Variants in VAMP4 observed in about 807,000 individuals in gnomAD.
VAMP4 encodes the protein vesicle-associated membrane protein 4.
In VAMP4, 19 loss-of-function variants were observed where a neutral mutation model predicts 23.5. The observed-to-expected ratio is 0.81, with a 90% CI of 0.56 to 1.19. The LOEUF (loss-of-function observed/expected upper bound fraction) is 1.19, where lower values mean the gene tolerates loss of function less well. Among genes scored for constraint, VAMP4 ranks in the 50% most tolerant of loss-of-function variants. The probability of loss-of-function intolerance (pLI) is 0.00; values close to 1 mark genes in which losing one functional copy is unlikely to be tolerated. For synonymous variants in VAMP4, 31 were observed against 51.0 expected (o/e 0.61, Z 1.67); for missense variants, 145 against 168.6 (o/e 0.86, Z 0.78).
At chr1:171,735,003 T>C (rs1655692294) in intron 2 of VAMP4, among the ~76,000 whole-genome samples, 2 of 152,244 alleles carry the variant, frequency 1.3e-5, no homozygotes, top group Non-Finnish European at 2.9e-5. Context: ...TTTAATCTGA[T>C]TTCCACACAT....
At chr1:171,739,989 A>T (rs771690821) in intron 1 of VAMP4, among the ~76,000 whole-genome samples, 4 of 152,276 alleles carry the variant, frequency 2.6e-5, no homozygotes, top group Non-Finnish European at 4.4e-5. Context: ...ATACCCATCA[A>T]TTCAGGATAG....
rs1654394009 is a variant in VAMP4 at position 171,700,552 on chromosome 1, G to A, written c.*3954C>T. On this transcript the variant is annotated 3_prime_UTR_variant, in exon 8 of 8. Coordinates refer to ENST00000236192, the MANE Select transcript of VAMP4 (RefSeq NM_003762.5). ...ATTTTAAGACTACTTTAAATGAAAAGAACCTAATGGAATACCATAAAGCCA... is the reference window on the plus strand; with the variant it reads ...ATTTTAAGACTACTTTAAATGAAAAAAACCTAATGGAATACCATAAAGCCA... 1 of 152,150 alleles carries A rather than the reference G, an allele frequency of 6.6e-6. No homozygotes were observed. Among genetic ancestry groups the A allele is most frequent in the Non-Finnish European group, 1.5e-5 (1 of 68,026 alleles). 9.4% of individuals were successfully genotyped at this position (152,150 alleles called of 1,614,324 possible). A position where few individuals can be genotyped will look rare whatever the true frequency, so the allele number is the denominator to read the frequency against.
Position 171,703,425 on chromosome 1 carries a change from G to GTATATATA in VAMP4, c.*1073_*1080dup, listed in dbSNP as rs59222991. 467 of 80,496 alleles carry GTATATATA rather than the reference G, an allele frequency of 5.8e-3. 7 individuals are homozygous for GTATATATA. The highest frequency in any genetic ancestry group is 8.3e-3 in the Middle Eastern group (1 of 120). 5.0% of individuals were successfully genotyped at this position (80,496 alleles called of 1,614,324 possible). On this transcript the variant is annotated 3_prime_UTR_variant, in exon 8 of 8. Coordinates refer to ENST00000236192, the MANE Select transcript of VAMP4 (RefSeq NM_003762.5). ...TGTGTGTGTGTGTGTGTGTTTGTGT[G>GTATATATA]TATATATATATATATATATATATAT...
At position 171,701,096 on chromosome 1, in the gene VAMP4, A is replaced by G. The variant is rs1428567610; in HGVS notation, c.*3410T>C. ...AGACAAAAGCATTTAGACAAATTTC[A>G]TTTGTCTACAACATGGAAAAAACAA... On this transcript the variant is annotated 3_prime_UTR_variant, in exon 8 of 8. Transcript: ENST00000236192. 7 of 152,300 alleles carry G rather than the reference A, an allele frequency of 4.6e-5. No individual in the cohort carries two copies. The South Asian group carries it at 1.2e-3, about 27-fold the overall frequency. The allele number at this position is 152,300 out of a possible 1,614,324, so 9.4% of individuals were successfully genotyped here.
intron 7 of VAMP4, 72 bp from the exon 8 acceptor site, chr1:171,704,606 T>C: frequency 1.6e-6 from 2 of 1,222,854 alleles, no homozygotes; most frequent in Admixed American, 2.5e-5. Context: ...GCAATATTCC[T>C]AAATGTAGTT....
At chr1:171,710,201 T>G (rs998499065) in intron 5 of VAMP4, among the ~76,000 whole-genome samples, 1 of 151,374 alleles carries the variant, frequency 6.6e-6, no homozygotes, top group Non-Finnish European at 1.5e-5. Flanking sequence ...TTTTTTTTTT[T>G]CTAAAGTCTG....
intron 4 of VAMP4, among the ~76,000 whole-genome samples, chr1:171,716,345 A>G (rs186886140): frequency 6.6e-6 from 1 of 152,318 alleles, no homozygotes; most frequent in East Asian, 1.9e-4. Context: ...GCTTATATAA[A>G]TGAAACCTTA....
intron 3 of VAMP4, among the ~76,000 whole-genome samples, chr1:171,725,209 T>C (rs533144242): frequency 1.3e-5 from 2 of 152,360 alleles, no homozygotes; most frequent in Non-Finnish European, 2.9e-5. Context: ...CTTCTTTTAC[T>C]TATCATAAAG....
In VAMP4 at chr1:171,702,592, A is replaced by G. The variant is rs1654483870; in HGVS notation, c.*1914T>C. On this transcript the variant is annotated 3_prime_UTR_variant, in exon 8 of 8. Coordinates refer to ENST00000236192, the MANE Select transcript of VAMP4 (RefSeq NM_003762.5). The stretch of plus-strand genomic sequence containing the variant: ...ACTAATGGAAAATTAACCACTTATG[A>G]GCCTAGTTCCAATTCAAATAAAGGA... 1 of 151,976 alleles carries G rather than the reference A, an allele frequency of 6.6e-6. No homozygotes were observed. Among genetic ancestry groups the G allele is most frequent in the South Asian group, 2.1e-4 (1 of 4,832 alleles). The allele number at this position is 151,976 out of a possible 1,614,324, so 9.4% of individuals were successfully genotyped here.
In VAMP4 at chr1:171,700,620, T is replaced by G. The variant is rs940745912; in HGVS notation, c.*3886A>C. 8 of 152,190 alleles carry G rather than the reference T, an allele frequency of 5.3e-5. No homozygotes were observed. Among genetic ancestry groups the G allele is most frequent in the African/African-American group, 1.9e-4 (8 of 41,440 alleles). 9.4% of individuals were successfully genotyped at this position (152,190 alleles called of 1,614,324 possible). ...ATTACAGTAGAAGAGCACCCCTATA[T>G]CCAGGCAAAAGCAAAAGGCCCCACT... On this transcript the variant is annotated 3_prime_UTR_variant, in exon 8 of 8. Coordinates refer to ENST00000236192, the MANE Select transcript of VAMP4 (RefSeq NM_003762.5).
chr1:171,733,587 T>C (rs1655632225), intron 2 of VAMP4, among the ~76,000 whole-genome samples: 1 of 152,170 alleles, frequency 6.6e-6, no homozygotes, highest in African/African-American at 2.4e-5. Flanking sequence ...CATATATTAA[T>C]TGAATAAACA....
At chr1:171,726,793 G>GA (rs535207906) in intron 3 of VAMP4, among the ~76,000 whole-genome samples, 1 of 151,286 alleles carries the variant, frequency 6.6e-6, no homozygotes, top group South Asian at 2.1e-4. Context: ...AAAACAATAG[G>GA]AAAAAAAATT....
chr1:171,738,546 TA>T (rs1655817566), intron 1 of VAMP4, 83 bp from the exon 2 acceptor site: 1 of 823,384 alleles, frequency 1.2e-6, no homozygotes, highest in Admixed American at 2.9e-5. Context: ...TGAAACCCTG[TA>T]TGACAGGGAC....
chr1:171,734,020 C>T lies in VAMP4; in HGVS notation c.66+4329G>A, dbSNP rs928562569. ...ATAAAAAGGAATGAAGATCTCCCAG[C>T]ACTTTGGGAGGCCGAGGTGGGTGAA... On this transcript the variant is annotated intron_variant, in intron 2 of 7. Transcript: ENST00000236192. Among the ~76,000 whole-genome samples the T allele has an allele frequency of 4.6e-5, 7 of 152,208 alleles. No homozygotes were observed. In the South Asian group the frequency reaches 1.5e-3, roughly 32 times the overall value.
intron 2 of VAMP4, among the ~76,000 whole-genome samples, chr1:171,736,171 GCCA>G (rs1176813856): frequency 5.3e-5 from 8 of 152,170 alleles, no homozygotes; most frequent in Non-Finnish European, 1.0e-4. Context: ...ACAGGCGCGA[GCCA>G]CCACGCCTGG....
chr1:171,709,604 A>C (rs890958577), intron 6 of VAMP4, 61 bp downstream of exon 6: 1 of 1,522,396 alleles, frequency 6.6e-7, no homozygotes, highest in African/African-American at 1.4e-5. Context: ...TTTTTTCTTC[A>C]TGTGTTTGAA....
At chr1:171,713,587 C>T (rs969311550) in intron 4 of VAMP4, among the ~76,000 whole-genome samples, 8 of 152,148 alleles carry the variant, frequency 5.3e-5, no homozygotes, top group African/African-American at 1.9e-4. Context: ...AATCTCAACA[C>T]TTTGGGAGGC....
At chr1:171,714,778 A>T (rs995812991) in intron 4 of VAMP4, among the ~76,000 whole-genome samples, 1 of 152,210 alleles carries the variant, frequency 6.6e-6, no homozygotes, top group South Asian at 2.1e-4. Flanking sequence ...TCTAAGAAAA[A>T]AAAAGTTATT....
Position 171,704,233 on chromosome 1 carries a change from C to T in VAMP4, c.*273G>A, listed in dbSNP as rs1654574506. Reference sequence around the variant, plus strand: ...AGTGTTTATATACACAAATAATGAACTGGCAAGTATCTAGTTTCAAATTAG... The same window carrying T: ...AGTGTTTATATACACAAATAATGAATTGGCAAGTATCTAGTTTCAAATTAG... On this transcript the variant is annotated 3_prime_UTR_variant, in exon 8 of 8. Coordinates refer to ENST00000236192, the MANE Select transcript of VAMP4 (RefSeq NM_003762.5). 4.0e-6 allele frequency: 1 copy of T among 250,518 alleles called. No individual in the cohort carries two copies. The highest frequency in any genetic ancestry group is 7.7e-6 in the Non-Finnish European group (1 of 130,634). The allele number at this position is 250,518 out of a possible 1,614,324, so 15.5% of individuals were successfully genotyped here. A position where few individuals can be genotyped will look rare whatever the true frequency, so the allele number is the denominator to read the frequency against.
Sources: gnomAD v4.1 joint callset for allele counts (sites outside exome capture counted in the v4.1 genomes callset) on GRCh38, gnomAD v4.1.1 for gene constraint, MANE v1.5 for transcripts, NCBI Gene and HGNC (gene_info 2026-07-23, HGNC 2026-07-21) for gene names.